SEMA3E: variants seen among roughly 807,000 people sequenced by gnomAD.
The protein encoded by SEMA3E is semaphorin-3E.
SEMA3E carries 49 observed loss-of-function variants against 93.6 expected under a neutral mutation model. The observed-to-expected ratio is 0.52, with a 90% confidence interval of 0.42 to 0.66. The LOEUF is 0.66. SEMA3E is among the 30% of genes least tolerant of loss of function. The pLI, the probability that SEMA3E is intolerant of heterozygous loss-of-function variation, is 0.00. For missense variants in SEMA3E, 906 were observed against 964.8 expected (o/e 0.94, Z 0.81); for synonymous variants, 363 against 330.7 (o/e 1.10, Z -1.06).
chr7:83,423,311 A>G (rs1788705219), intron 4 of SEMA3E, among the ~76,000 whole-genome samples: 2 of 152,246 alleles, frequency 1.3e-5, no homozygotes, highest in Admixed American at 1.3e-4. Context: ...TCAGAGATGT[A>G]TGTATGTCTA....
intron 2 of SEMA3E, among the ~76,000 whole-genome samples, chr7:83,471,194 C>T (rs922222685): frequency 1.6e-4 from 25 of 152,030 alleles, no homozygotes; most frequent in African/African-American, 6.0e-4. Context: ...TATTTTTATG[C>T]AGCATTTTCT....
chr7:83,618,051 G>A (rs969221056), intron 1 of SEMA3E, among the ~76,000 whole-genome samples: 11 of 152,070 alleles, frequency 7.2e-5, no homozygotes, highest in African/African-American at 2.7e-4. Flanking sequence ...ACCTTTTATG[G>A]TCAAAGTGGG....
chr7:83,523,112 G>C (rs1791082665), intron 1 of SEMA3E, among the ~76,000 whole-genome samples: 1 of 152,102 alleles, frequency 6.6e-6, no homozygotes, highest in South Asian at 2.1e-4. Context: ...AGAGCTAGAG[G>C]GAGTATACCA....
intron 1 of SEMA3E, among the ~76,000 whole-genome samples, chr7:83,562,013 T>A (rs1792039753): frequency 6.6e-6 from 1 of 152,168 alleles, no homozygotes; most frequent in South Asian, 2.1e-4. Flanking sequence ...TATATCAGAT[T>A]CTTATGTACA....
At chr7:83,563,248 G>T (rs1471618279) in intron 1 of SEMA3E, among the ~76,000 whole-genome samples, 1 of 152,158 alleles carries the variant, frequency 6.6e-6, no homozygotes, top group African/African-American at 2.4e-5. Context: ...ATTATCACCT[G>T]TAATAGAACA....
chr7:83,621,932 CA>C (rs1379872084), intron 1 of SEMA3E, among the ~76,000 whole-genome samples: 2 of 151,974 alleles, frequency 1.3e-5, no homozygotes, highest in African/African-American at 4.8e-5. Context: ...ATATGCATGG[CA>C]AAGAATTCAT....
chr7:83,626,849 A>G (rs42004), intron 1 of SEMA3E, among the ~76,000 whole-genome samples: 42,934 of 152,002 alleles, frequency 0.28, 6,735 homozygotes, highest in South Asian at 0.35. Context: ...ATTTAGTGCC[A>G]TAAATTTCCC....
chr7:83,614,304 C>T (rs973192687), intron 1 of SEMA3E, among the ~76,000 whole-genome samples: 2 of 152,032 alleles, frequency 1.3e-5, no homozygotes, highest in African/African-American at 2.4e-5. Flanking sequence ...CTATGGACAG[C>T]CAGCCAGAAG....
chr7:83,489,740 C>G, intron 2 of SEMA3E, among the ~76,000 whole-genome samples: 1 of 19,032 alleles, frequency 5.3e-5, no homozygotes, highest in South Asian at 3.1e-3. Context: ...ATCGAGGCCA[C>G]ATATTTAACA....
At chr7:83,385,477 T>C (rs1584208025) in intron 15 of SEMA3E, 44 bp from the exon 16 acceptor site, 2 of 1,598,008 alleles carry the variant, frequency 1.3e-6, no homozygotes, top group Non-Finnish European at 1.7e-6. Context: ...TTAGATTTTA[T>C]AGGTAAATAA....
chr7:83,374,944 C>T (rs1794800786), intron 16 of SEMA3E, among the ~76,000 whole-genome samples: 1 of 151,712 alleles, frequency 6.6e-6, no homozygotes, highest in Non-Finnish European at 1.5e-5. Context: ...AAAACAAGAG[C>T]CAAAATCAAG....
intron 1 of SEMA3E, among the ~76,000 whole-genome samples, chr7:83,582,890 G>A (rs938854726): frequency 1.2e-4 from 18 of 151,900 alleles, no homozygotes; most frequent in African/African-American, 4.4e-4. Flanking sequence ...TTGTGTATAT[G>A]TATGTAAATA....
At chr7:83,378,299 G>A (rs1787697403) in intron 16 of SEMA3E, among the ~76,000 whole-genome samples, 1 of 151,724 alleles carries the variant, frequency 6.6e-6, no homozygotes, top group Non-Finnish European at 1.5e-5. Context: ...TTCCTTCTAA[G>A]AATTTACCCC....
At position 83,616,818 on chromosome 7, in the gene SEMA3E, G is replaced by A. The variant is rs1693366; in HGVS notation, c.115+31610C>T. The A allele has an allele frequency of 2.1e-3, 820 of 384,248 alleles. 3 individuals are homozygous for A. The highest frequency in any genetic ancestry group is 0.015 in the African/African-American group (666 of 45,384). The allele number at this position is 384,248 out of a possible 1,614,324, so 23.8% of individuals were successfully genotyped here. A position where few individuals can be genotyped will look rare whatever the true frequency, so the allele number is the denominator to read the frequency against. On this transcript the variant is annotated intron_variant, in intron 1 of 16. Transcript: ENST00000643230. ...CCTCTCACTACAACCTCCACCTCCC[G>A]AGTTCAAGTGATTCTCCTGCCTCAG...
intron 1 of SEMA3E, among the ~76,000 whole-genome samples, chr7:83,542,568 TTGA>T (rs1349311902): frequency 5.3e-5 from 8 of 152,088 alleles, no homozygotes; most frequent in Non-Finnish European, 1.0e-4. Flanking sequence ...ATTTGAATAG[TTGA>T]CTAAATAAAA....
intron 4 of SEMA3E, among the ~76,000 whole-genome samples, chr7:83,465,294 A>G (rs913771172): frequency 6.6e-6 from 1 of 152,068 alleles, no homozygotes; most frequent in Non-Finnish European, 1.5e-5. Context: ...CTCTCTTTTC[A>G]GACTCAGCCC....
intron 1 of SEMA3E, among the ~76,000 whole-genome samples, chr7:83,624,102 A>G (rs567633984): frequency 2.0e-5 from 3 of 152,152 alleles, no homozygotes; most frequent in East Asian, 1.9e-4. Flanking sequence ...TATGTGCCAC[A>G]TTTTCTTTAT....
chr7:83,369,080 A>G (rs1413661317), intron 16 of SEMA3E, among the ~76,000 whole-genome samples: 2 of 152,216 alleles, frequency 1.3e-5, no homozygotes. Flanking sequence ...CATCTAACCA[A>G]AAACAATCAT....
chr7:83,525,838 A>T (rs1584308757), intron 1 of SEMA3E, among the ~76,000 whole-genome samples: 1 of 131,108 alleles, frequency 7.6e-6, no homozygotes, highest in African/African-American at 3.0e-5. Flanking sequence ...TTCCTTAGCT[A>T]TCCAGTGATC....
Sources: gnomAD v4.1 joint callset for allele counts (sites outside exome capture counted in the v4.1 genomes callset) on GRCh38, gnomAD v4.1.1 for gene constraint, MANE v1.5 for transcripts, NCBI Gene and HGNC (gene_info 2026-07-23, HGNC 2026-07-21) for gene names.